The following COL6A5 variants were observed in gnomAD, a reference collection of about 807,000 sequenced individuals.
The protein encoded by COL6A5 is collagen alpha-5(VI) chain.
COL6A5 carries 48 observed loss-of-function variants against 65.6 expected under a neutral mutation model. That is an observed-to-expected ratio of 0.73 (90% confidence interval 0.58 to 0.93). The LOEUF (loss-of-function observed/expected upper bound fraction) is 0.93, where lower values mean the gene tolerates loss of function less well. Ranked by LOEUF, COL6A5 falls within the 40% of genes least tolerant of loss-of-function variation. The probability of loss-of-function intolerance (pLI) is 0.00; values close to 1 mark genes in which losing one functional copy is unlikely to be tolerated. For missense variants in COL6A5, 914 were observed against 928.3 expected, an observed-to-expected ratio of 0.98 and a Z score of 0.20; for synonymous variants, 291 against 322.8, an observed-to-expected ratio of 0.90 and a Z score of 1.05.
chr3:130,346,532 G>T lies in COL6A5; in HGVS notation c.-29+551G>T, dbSNP rs1478434465. ...TCTTGGTTTGTGGGAATTCTATTCTGTCCCAAACGAAACTGTGATCTTTGA... is the reference window on the plus strand; with the variant it reads ...TCTTGGTTTGTGGGAATTCTATTCTTTCCCAAACGAAACTGTGATCTTTGA... On this transcript the variant is annotated intron_variant and NMD_transcript_variant, in intron 1 of 41. Coordinates refer to the COL6A5 transcript ENST00000312481. Among the ~76,000 whole-genome samples the T allele has an allele frequency of 2.6e-5, 4 of 152,268 alleles. No individual in the cohort carries two copies. In the East Asian group the frequency reaches 7.7e-4, roughly 29 times the overall value.
At chr3:130,371,081 G>T (rs898873010) in intron 1 of COL6A5, among the ~76,000 whole-genome samples, 2 of 152,134 alleles carry the variant, frequency 1.3e-5, no homozygotes, top group African/African-American at 4.8e-5. Flanking sequence ...CTGAATTCAC[G>T]TGGCTGTACA....
At chr3:130,452,975 C>T (rs1426505887) in intron 4 of COL6A5, among the ~76,000 whole-genome samples, 1 of 152,186 alleles carries the variant, frequency 6.6e-6, no homozygotes, top group African/African-American at 2.4e-5. Context: ...CTGTTCCGCC[C>T]AGCTCACCAG....
At chr3:130,348,124 ACTTTAAGTT>A (rs1267644315) in intron 1 of COL6A5, among the ~76,000 whole-genome samples, 10 of 152,044 alleles carry the variant, frequency 6.6e-5, no homozygotes, top group African/African-American at 2.4e-4. Context: ...TTTTAATTTT[ACTTTAAGTT>A]CTGAGATACA....
At chr3:130,385,005 A>C (rs1294712474) in exon 5 of COL6A5, 2 of 1,550,688 alleles carry the variant, frequency 1.3e-6, no homozygotes, top group African/African-American at 1.4e-5. Context: ...GACTATTCTA[A>C]TGATATTGAC....
intron 1 of COL6A5, among the ~76,000 whole-genome samples, chr3:130,435,624 G>T (rs1282247483): frequency 1.3e-5 from 2 of 152,126 alleles, no homozygotes; most frequent in Non-Finnish European, 2.9e-5. Flanking sequence ...GCAGTGGTTT[G>T]TAGTTCTCCT....
chr3:130,351,582 A>C (rs1178966953), intron 1 of COL6A5, among the ~76,000 whole-genome samples: 1 of 152,256 alleles, frequency 6.6e-6, no homozygotes, highest in Admixed American at 6.5e-5. Context: ...GACATCAGAT[A>C]AATGCAAATC....
At chr3:130,403,525 T>A in intron 12 of COL6A5, 84 bp from the exon 13 acceptor site, 1 of 1,206,366 alleles carries the variant, frequency 8.3e-7, no homozygotes, top group Non-Finnish European at 1.2e-6. Flanking sequence ...AGGAAGGGAC[T>A]TGCTTAGAAT....
intron 4 of COL6A5, among the ~76,000 whole-genome samples, chr3:130,381,473 T>G (rs1033328071): frequency 1.3e-5 from 2 of 152,134 alleles, no homozygotes; most frequent in Non-Finnish European, 2.9e-5. Context: ...ACCTGTATTT[T>G]TATGCACAAT....
intron 1 of COL6A5, among the ~76,000 whole-genome samples, chr3:130,356,111 C>T (rs1052670244): frequency 6.6e-6 from 1 of 151,846 alleles, no homozygotes; most frequent in African/African-American, 2.4e-5. Context: ...GACCAGGTAC[C>T]GACAGAAATT....
chr3:130,414,305 C>T (rs185668313), intron 22 of COL6A5, among the ~76,000 whole-genome samples, 174 bp downstream of exon 22: 47 of 152,150 alleles, frequency 3.1e-4, no homozygotes, highest in Admixed American at 1.4e-3. Flanking sequence ...CTTCGTTGTT[C>T]GTAGGTCACT....
At chr3:130,483,904 A>T in intron 7 of COL6A5, 131 bp from the exon 41 acceptor site, 1 of 705,568 alleles carries the variant, frequency 1.4e-6, no homozygotes, top group Non-Finnish European at 2.4e-6. Flanking sequence ...CTGGACTTCT[A>T]TTTTGACCAT....
intron 1 of COL6A5, among the ~76,000 whole-genome samples, chr3:130,356,517 A>T (rs1934932082): frequency 6.6e-6 from 1 of 152,144 alleles, no homozygotes; most frequent in Admixed American, 6.5e-5. Context: ...TGCCATTAAA[A>T]GTAAAAGTAA....
At chr3:130,351,690 C>G (rs935887975) in intron 1 of COL6A5, among the ~76,000 whole-genome samples, 26 of 152,298 alleles carry the variant, frequency 1.7e-4, no homozygotes, top group African/African-American at 5.5e-4. Context: ...GAAATAGGAA[C>G]ACTTTTACAC....
intron 1 of COL6A5, among the ~76,000 whole-genome samples, chr3:130,358,321 A>G (rs896267463): frequency 1.3e-5 from 2 of 152,152 alleles, no homozygotes; most frequent in African/African-American, 4.8e-5. Context: ...GAGAAGGCAA[A>G]ATTATTGTTA....
upstream of COL6A5, among the ~76,000 whole-genome samples, chr3:130,427,313 G>A (rs1177732391): frequency 6.6e-6 from 1 of 152,124 alleles, no homozygotes; most frequent in Non-Finnish European, 1.5e-5. Context: ...TGTTTCCATT[G>A]TGGTTTTTAA....
chr3:130,394,442 T>C (rs535661217), intron 7 of COL6A5, among the ~76,000 whole-genome samples: 3 of 152,284 alleles, frequency 2.0e-5, no homozygotes, highest in African/African-American at 7.2e-5. Context: ...AAAGCATTTT[T>C]AAAATGCTAC....
chr3:130,472,173 T>G (rs1044430943), intron 7 of COL6A5, among the ~76,000 whole-genome samples: 1 of 151,966 alleles, frequency 6.6e-6, no homozygotes, highest in Non-Finnish European at 1.5e-5. Flanking sequence ...ATGGGGAAGT[T>G]GGAGGGGCAA....
upstream of COL6A5, among the ~76,000 whole-genome samples, chr3:130,428,892 T>C (rs1220191831): frequency 2.0e-5 from 3 of 152,092 alleles, no homozygotes; most frequent in African/African-American, 4.8e-5. Flanking sequence ...TATATTGGAG[T>C]GACTCATTTG....
intron 4 of COL6A5, among the ~76,000 whole-genome samples, chr3:130,382,185 T>C (rs1936018240): frequency 6.6e-6 from 1 of 152,036 alleles, no homozygotes; most frequent in African/African-American, 2.4e-5. Flanking sequence ...AGATAGTGTA[T>C]ATCAAGCACC....
Sources: gnomAD v4.1 joint callset for allele counts (sites outside exome capture counted in the v4.1 genomes callset) on GRCh38, gnomAD v4.1.1 for gene constraint, MANE v1.5 for transcripts, NCBI Gene and HGNC (gene_info 2026-07-23, HGNC 2026-07-21) for gene names.